The following LPGAT1 variants were observed in gnomAD, a reference collection of about 807,000 sequenced individuals.
LPGAT1 encodes acyl-CoA:lysophosphatidylglycerol acyltransferase 1.
LPGAT1 carries 11 observed loss-of-function variants against 47.5 expected under a neutral mutation model. The observed-to-expected ratio is 0.23, with a 90% CI of 0.15 to 0.38. The LOEUF (loss-of-function observed/expected upper bound fraction) is 0.38, where lower values mean the gene tolerates loss of function less well. Ranked by LOEUF, LPGAT1 falls within the 10% of genes least tolerant of loss-of-function variation. The pLI is 1.00. For missense variants in LPGAT1, 293 were observed against 439.0 expected (o/e 0.67, Z 2.97); for synonymous variants, 138 against 144.2 (o/e 0.96, Z 0.31).
intron 3 of LPGAT1, among the ~76,000 whole-genome samples, chr1:211,788,391 T>G (rs1385626881): frequency 6.6e-6 from 1 of 151,966 alleles, no homozygotes. Flanking sequence ...ATTTAAAAAT[T>G]AAAACTACAG....
Position 211,829,425 on chromosome 1 carries a change from G to A in LPGAT1, c.-27-102C>T. 2.0e-6 allele frequency: 3 copies of A among 1,503,646 alleles called. No individual in the cohort carries two copies. In the South Asian group the frequency reaches 4.1e-5, roughly 20 times the overall value. 93.1% of individuals were successfully genotyped at this position (1,503,646 alleles called of 1,614,324 possible). A position where few individuals can be genotyped will look rare whatever the true frequency, so the allele number is the denominator to read the frequency against. ...CCCCAGCACAAAATAAAACAGCGAG[G>A]GTCGAAGCTTTCCGGGTGTAGTACC... On this transcript the variant is annotated intron_variant, in intron 1 of 7. Coordinates refer to ENST00000366997, the MANE Select transcript of LPGAT1 (RefSeq NM_014873.3).
At chr1:211,802,057 C>T (rs1466978482) in intron 2 of LPGAT1, among the ~76,000 whole-genome samples, 1 of 140,502 alleles carries the variant, frequency 7.1e-6, no homozygotes, top group Admixed American at 7.5e-5. Flanking sequence ...CACTGTATTA[C>T]AGCCTGGGTA....
intron 2 of LPGAT1, among the ~76,000 whole-genome samples, chr1:211,807,486 G>A (rs867616060): frequency 4.0e-5 from 6 of 151,866 alleles, no homozygotes; most frequent in East Asian, 1.9e-4. Flanking sequence ...TGGAAGAATC[G>A]CACTACCCAG....
At chr1:211,776,348 CCAACA>C (rs1658399612) in intron 6 of LPGAT1, among the ~76,000 whole-genome samples, 1 of 152,066 alleles carries the variant, frequency 6.6e-6, no homozygotes, top group South Asian at 2.1e-4. Context: ...ACCAGCCTGG[CCAACA>C]TGGTGAAACC....
chr1:211,807,339 A>C (rs1659797481), intron 2 of LPGAT1, among the ~76,000 whole-genome samples: 2 of 152,194 alleles, frequency 1.3e-5, no homozygotes, highest in South Asian at 4.1e-4. Context: ...CTATTCACCC[A>C]CAACTTGATC....
intron 3 of LPGAT1, 33 bp downstream of exon 3, chr1:211,793,038 TG>T: frequency 7.0e-7 from 1 of 1,429,206 alleles, no homozygotes; most frequent in African/African-American, 1.4e-5. Flanking sequence ...CCTTCCTTTC[TG>T]GATGTCTATC....
intron 6 of LPGAT1, among the ~76,000 whole-genome samples, chr1:211,765,868 G>A (rs1168284506): frequency 6.6e-6 from 1 of 152,112 alleles, no homozygotes; most frequent in Non-Finnish European, 1.5e-5. Context: ...AAGTGTGTCT[G>A]TGTGTGTGTT....
chr1:211,804,043 G>A (rs908512759), intron 2 of LPGAT1, among the ~76,000 whole-genome samples: 1 of 152,030 alleles, frequency 6.6e-6, no homozygotes, highest in South Asian at 2.1e-4. Flanking sequence ...ACAGGCGTGA[G>A]CCACCACACC....
chr1:211,765,314 T>C (rs890566930), intron 6 of LPGAT1, among the ~76,000 whole-genome samples: 4 of 152,218 alleles, frequency 2.6e-5, no homozygotes, highest in African/African-American at 7.2e-5. Context: ...TCCATATCTA[T>C]TTTTTCTGTC....
rs1656950895 is a variant in LPGAT1, at chr1:211,746,568, A to G, written c.*3331T>C. The G allele has an allele frequency of 6.6e-6, 1 of 152,240 alleles. No individual in the cohort carries two copies. The allele number at this position is 152,240 out of a possible 1,614,324, so 9.4% of individuals were successfully genotyped here. A position where few individuals can be genotyped will look rare whatever the true frequency, so the allele number is the denominator to read the frequency against. Reference sequence around the variant, plus strand: ...CCTAAATAAAAGTAATTTTTGATTTACCTATCATTTATTACCAGATTATCT... The same window carrying G: ...CCTAAATAAAAGTAATTTTTGATTTGCCTATCATTTATTACCAGATTATCT... On this transcript the variant is annotated 3_prime_UTR_variant, in exon 8 of 8. Coordinates refer to ENST00000366997, the MANE Select transcript of LPGAT1 (RefSeq NM_014873.3).
chr1:211,793,707 A>C (rs1297408230), intron 2 of LPGAT1, among the ~76,000 whole-genome samples: 2 of 152,228 alleles, frequency 1.3e-5, no homozygotes, highest in Non-Finnish European at 2.9e-5. Flanking sequence ...TGCTGAGATT[A>C]CAGGCGTGAG....
intron 2 of LPGAT1, among the ~76,000 whole-genome samples, chr1:211,821,705 A>C (rs1660374304): frequency 6.6e-6 from 1 of 152,202 alleles, no homozygotes; most frequent in Non-Finnish European, 1.5e-5. Context: ...AAGAAGAGAA[A>C]GGGGAAGACA....
intron 6 of LPGAT1, among the ~76,000 whole-genome samples, chr1:211,754,993 G>A (rs549385750): frequency 2.1e-5 from 3 of 144,566 alleles, no homozygotes; most frequent in Admixed American, 1.4e-4. Context: ...CAGCCCAGGC[G>A]ACAGAGTAAG....
At chr1:211,763,904 G>C (rs1177051871) in intron 6 of LPGAT1, among the ~76,000 whole-genome samples, 2 of 152,142 alleles carry the variant, frequency 1.3e-5, no homozygotes, top group Non-Finnish European at 2.9e-5. Flanking sequence ...GGGTGCCATG[G>C]CTCATGCCTG....
intron 2 of LPGAT1, among the ~76,000 whole-genome samples, chr1:211,807,170 A>C (rs1659790966): frequency 6.6e-6 from 1 of 152,196 alleles, no homozygotes; most frequent in Admixed American, 6.5e-5. Flanking sequence ...CTATTTACAA[A>C]AGCTCCTCCC....
At chr1:211,827,164 G>A (rs1403578069) in intron 2 of LPGAT1, among the ~76,000 whole-genome samples, 2 of 152,156 alleles carry the variant, frequency 1.3e-5, no homozygotes, top group African/African-American at 4.8e-5. Flanking sequence ...CATTAAAACA[G>A]TCTATATTTA....
intron 2 of LPGAT1, among the ~76,000 whole-genome samples, chr1:211,818,796 C>T (rs562951971): frequency 1.5e-4 from 23 of 152,244 alleles, no homozygotes; most frequent in South Asian, 6.2e-4. Flanking sequence ...TCCTTCCATT[C>T]GTTTTGATGA....
chr1:211,824,491 C>T (rs919036882), intron 2 of LPGAT1, among the ~76,000 whole-genome samples: 2 of 152,136 alleles, frequency 1.3e-5, no homozygotes, highest in Admixed American at 6.5e-5. Context: ...TAAGGAAGAT[C>T]CATCAAGTGG....
intron 1 of LPGAT1, chr1:211,829,621 C>A (rs1660656050): frequency 8.7e-7 from 1 of 1,155,780 alleles, no homozygotes; most frequent in Admixed American, 4.3e-5. Flanking sequence ...CCGTGTCTCA[C>A]TGCGGTCGTC....
Sources: allele counts gnomAD v4.1 joint callset (sites outside exome capture counted in the v4.1 genomes callset), GRCh38; gene constraint gnomAD v4.1.1; transcripts MANE v1.5; gene names NCBI Gene and HGNC (gene_info 2026-07-23, HGNC 2026-07-21).